Variants in INPP4B observed in about 807,000 individuals in gnomAD.
INPP4B encodes the protein inositol polyphosphate-4-phosphatase type II B.
INPP4B carries 55 observed loss-of-function variants against 122.5 expected under a neutral mutation model. That is an observed-to-expected ratio of 0.45 (90% CI 0.36 to 0.56). The LOEUF (loss-of-function observed/expected upper bound fraction) is 0.56, where lower values mean the gene tolerates loss of function less well. Ranked by LOEUF, INPP4B falls within the 20% of genes least tolerant of loss-of-function variation. The pLI, the probability that INPP4B is intolerant of heterozygous loss-of-function variation, is 0.00. For missense variants in INPP4B, 1,000 were observed against 1,097.7 expected, an observed-to-expected ratio of 0.91 and a Z score of 1.26; for synonymous variants, 403 against 388.7, an observed-to-expected ratio of 1.04 and a Z score of -0.43.
At chr4:142,225,530 A>ATG (rs890711883) in intron 12 of INPP4B, among the ~76,000 whole-genome samples, 101 of 148,370 alleles carry the variant, frequency 6.8e-4, no homozygotes, top group African/African-American at 2.3e-3. Flanking sequence ...ATATATATAT[A>ATG]TGTATAAGTA....
intron 9 of INPP4B, 104 bp downstream of exon 9, chr4:142,305,354 G>A (rs2151187919): frequency 1.2e-6 from 1 of 813,606 alleles, no homozygotes; most frequent in Admixed American, 2.5e-5. Context: ...TTTGAGAACT[G>A]ACATCTAACA....
chr4:142,482,880 G>C (rs138796661), intron 2 of INPP4B, among the ~76,000 whole-genome samples: 1 of 152,178 alleles, frequency 6.6e-6, no homozygotes, highest in Non-Finnish European at 1.5e-5. Flanking sequence ...ATTCTATAAG[G>C]AGAAGAGATC....
intron 7 of INPP4B, among the ~76,000 whole-genome samples, chr4:142,345,899 T>C (rs566738012): frequency 4.5e-4 from 68 of 152,046 alleles, no homozygotes; most frequent in African/African-American, 1.6e-3. Flanking sequence ...AAATGAACTT[T>C]TGAAAAAATG....
intron 23 of INPP4B, among the ~76,000 whole-genome samples, chr4:142,092,219 C>T (rs1170231709): frequency 1.3e-5 from 2 of 152,110 alleles, no homozygotes; most frequent in African/African-American, 4.8e-5. Flanking sequence ...GCCACAAGAC[C>T]AGACATAGGA....
intron 2 of INPP4B, among the ~76,000 whole-genome samples, chr4:142,533,578 A>G (rs1827864428): frequency 6.6e-6 from 1 of 152,178 alleles, no homozygotes; most frequent in African/African-American, 2.4e-5. Flanking sequence ...TCTATTCTCA[A>G]TTACTCATCA....
chr4:142,431,473 T>C (rs1580045676), intron 3 of INPP4B, 88 bp from the exon 4 acceptor site: 1 of 547,400 alleles, frequency 1.8e-6, no homozygotes, highest in Admixed American at 3.4e-5. Context: ...TGCAACTACA[T>C]TCAAATAAAC....
intron 25 of INPP4B, among the ~76,000 whole-genome samples, chr4:142,042,553 TG>T (rs1477364835): frequency 0.011 from 340 of 30,994 alleles, no homozygotes; most frequent in African/African-American, 0.019. Flanking sequence ...TATGTATGTA[TG>T]TATGTATTTA....
At chr4:142,539,444 A>G (rs996774266) in intron 2 of INPP4B, among the ~76,000 whole-genome samples, 2 of 152,104 alleles carry the variant, frequency 1.3e-5, no homozygotes, top group African/African-American at 4.8e-5. Flanking sequence ...GCATTGACTT[A>G]TTGAACTGAC....
intron 25 of INPP4B, among the ~76,000 whole-genome samples, chr4:142,048,505 T>C (rs963699392): frequency 6.6e-6 from 1 of 151,888 alleles, no homozygotes; most frequent in African/African-American, 2.4e-5. Context: ...TGGTGAAAGA[T>C]GACAACATTA....
chr4:142,714,913 GT>G (rs1763570608), intron 2 of INPP4B, among the ~76,000 whole-genome samples: 1 of 152,096 alleles, frequency 6.6e-6, no homozygotes, highest in South Asian at 2.1e-4. Flanking sequence ...AGAAACTAAT[GT>G]TAATAAGAAA....
chr4:142,248,052 G>A (rs1326089857), intron 11 of INPP4B, among the ~76,000 whole-genome samples: 1 of 151,966 alleles, frequency 6.6e-6, no homozygotes, highest in South Asian at 2.1e-4. Context: ...CCAGGCTCCT[G>A]TGCTCCCATC....
intron 9 of INPP4B, among the ~76,000 whole-genome samples, chr4:142,273,792 TG>T (rs1434691974): frequency 6.6e-6 from 1 of 151,912 alleles, no homozygotes; most frequent in Admixed American, 6.6e-5. Flanking sequence ...CTTTTTTACA[TG>T]CCCTAAAGCA....
chr4:142,508,769 T>C (rs1376228790), intron 2 of INPP4B, among the ~76,000 whole-genome samples: 2 of 152,176 alleles, frequency 1.3e-5, no homozygotes, highest in Admixed American at 1.3e-4. Context: ...TTACAGGACA[T>C]CTGGCAAACT....
intron 25 of INPP4B, among the ~76,000 whole-genome samples, chr4:142,070,794 C>T (rs949823060): frequency 6.6e-6 from 1 of 151,956 alleles, no homozygotes; most frequent in Non-Finnish European, 1.5e-5. Flanking sequence ...TGTGAAGGAC[C>T]TTTTATGGAG....
intron 17 of INPP4B, among the ~76,000 whole-genome samples, chr4:142,159,165 C>T (rs1343955350): frequency 1.3e-5 from 2 of 151,380 alleles, no homozygotes; most frequent in Non-Finnish European, 2.9e-5. Flanking sequence ...ATTTCATGAC[C>T]ACTCTAAGAG....
chr4:142,375,736 T>C (rs974943794), intron 7 of INPP4B, among the ~76,000 whole-genome samples: 1 of 151,984 alleles, frequency 6.6e-6, no homozygotes, highest in Non-Finnish European at 1.5e-5. Flanking sequence ...GCATTTATCT[T>C]GCAACTATGC....
At chr4:142,587,604 A>G (rs934630716) in intron 2 of INPP4B, among the ~76,000 whole-genome samples, 1 of 152,150 alleles carries the variant, frequency 6.6e-6, no homozygotes, top group Admixed American at 6.5e-5. Flanking sequence ...ATTTTGATAC[A>G]TGCATGCAAT....
At chr4:142,101,841 G>C (rs1325509438) in intron 23 of INPP4B, among the ~76,000 whole-genome samples, 1 of 152,016 alleles carries the variant, frequency 6.6e-6, no homozygotes, top group Non-Finnish European at 1.5e-5. Context: ...ACTTGTTCTG[G>C]AAAAATTATC....
chr4:142,314,752 C>T lies in INPP4B; in HGVS notation c.383G>A (p.Ser128Asn). The T allele has an allele frequency of 6.3e-7, 1 of 1,597,240 alleles. No homozygotes were observed. The highest frequency in any genetic ancestry group is 8.5e-7 in the Non-Finnish European group (1 of 1,173,600). ...GGGATCCTTATGTTCTGGTAGGACA[C>T]TGGTTCGAACCTGTGGAGAAAAACA... is the stretch of plus-strand genomic sequence containing the variant. ...KDKSHDTVRT[S>N]VLPEHKDPPP... Residue 128 changes from serine to asparagine, a missense_variant, in exon 8 of 26, where the codon AGT (serine) becomes AAT (asparagine). By Grantham distance (46) the Ser-to-Asn change is conservative. Transcript: ENST00000262992.
Sources: allele counts gnomAD v4.1 joint callset (sites outside exome capture counted in the v4.1 genomes callset), GRCh38; gene constraint gnomAD v4.1.1; transcripts MANE v1.5; gene names NCBI Gene and HGNC (gene_info 2026-07-23, HGNC 2026-07-21).